RBFOX1: variants seen among roughly 807,000 people sequenced by gnomAD.
The protein encoded by RBFOX1 is RNA binding protein fox-1 homolog 1.
A neutral mutation model predicts 57.7 loss-of-function variants in RBFOX1; 8 were observed. That is an observed-to-expected ratio of 0.14 (90% CI 0.08 to 0.25). The LOEUF (loss-of-function observed/expected upper bound fraction) is 0.25, where lower values mean the gene tolerates loss of function less well. RBFOX1 is among the 10% of genes least tolerant of loss of function. RBFOX1 has a pLI of 1.00. For synonymous variants in RBFOX1, 326 were observed against 222.4 expected, an observed-to-expected ratio of 1.47 and a Z score of -4.15; for missense variants, 611 against 548.5, an observed-to-expected ratio of 1.11 and a Z score of -1.14.
At chr16:6,554,429 AT>A (rs200606535) in intron 2 of RBFOX1, among the ~76,000 whole-genome samples, 6 of 152,154 alleles carry the variant, frequency 3.9e-5, no homozygotes, top group African/African-American at 1.4e-4. Flanking sequence ...TCCCGGGGTA[AT>A]AAAAAAAAAG....
chr16:7,125,476 T>C (rs2068268949), intron 4 of RBFOX1, among the ~76,000 whole-genome samples: 1 of 152,338 alleles, frequency 6.6e-6, no homozygotes, highest in African/African-American at 2.4e-5. Flanking sequence ...ACCTGTCGGA[T>C]GCTAAGCAGT....
At chr16:6,251,612 G>A (rs1300822916) in intron 1 of RBFOX1, among the ~76,000 whole-genome samples, 1 of 152,044 alleles carries the variant, frequency 6.6e-6, no homozygotes, top group Non-Finnish European at 1.5e-5. Flanking sequence ...GAAAAAGAGA[G>A]AGAAAAAAAT....
intron 3 of RBFOX1, among the ~76,000 whole-genome samples, chr16:6,744,864 G>A (rs1018095868): frequency 1.3e-5 from 2 of 151,894 alleles, no homozygotes; most frequent in Non-Finnish European, 2.9e-5. Flanking sequence ...ACAGGTAGTA[G>A]GCCAAAAATG....
chr16:5,908,840 G>A (rs569124296), intron 4 of RBFOX1, among the ~76,000 whole-genome samples: 1 of 151,938 alleles, frequency 6.6e-6, no homozygotes, highest in African/African-American at 2.4e-5. Context: ...AACCCATGAG[G>A]GTGAAGCCTT....
At chr16:7,292,584 T>G (rs962895035) in intron 4 of RBFOX1, among the ~76,000 whole-genome samples, 1 of 149,264 alleles carries the variant, frequency 6.7e-6, no homozygotes, top group African/African-American at 2.5e-5. Context: ...TTGTGCACGG[T>G]GATGACGATT....
At chr16:5,443,855 CT>C (rs138564992) in intron 1 of RBFOX1, among the ~76,000 whole-genome samples, 1 of 152,108 alleles carries the variant, frequency 6.6e-6, no homozygotes, top group African/African-American at 2.4e-5. Flanking sequence ...AAAGTCTGGG[CT>C]TTTTTTCCCC....
At chr16:7,246,883 G>C (rs11077164) in intron 4 of RBFOX1, among the ~76,000 whole-genome samples, 22,436 of 151,934 alleles carry the variant, frequency 0.15, 1,629 homozygotes, top group African/African-American at 0.17. Context: ...TGCCATCCAC[G>C]AGACAGGAAA....
intron 6 of RBFOX1, among the ~76,000 whole-genome samples, chr16:7,584,852 C>A (rs559316087): frequency 2.6e-5 from 4 of 152,146 alleles, no homozygotes; most frequent in Non-Finnish European, 5.9e-5. Context: ...CTTGTTTCAC[C>A]GGCTTTGAGA....
chr16:7,627,080 T>C (rs1199384383), intron 10 of RBFOX1, among the ~76,000 whole-genome samples: 1 of 151,534 alleles, frequency 6.6e-6, no homozygotes, highest in African/African-American at 2.4e-5. Context: ...AAGAGGTCAC[T>C]TTTAAACTAT....
intron 2 of RBFOX1, chr16:6,577,197 C>T (rs879629467): frequency 3.3e-5 from 5 of 152,156 alleles, no homozygotes; most frequent in Admixed American, 3.3e-4. Flanking sequence ...GCTCCCCACT[C>T]TTCCCTGCCA....
At chr16:6,504,519 A>G (rs1420644052) in intron 2 of RBFOX1, among the ~76,000 whole-genome samples, 1 of 152,196 alleles carries the variant, frequency 6.6e-6, no homozygotes, top group Non-Finnish European at 1.5e-5. Context: ...AAAAGTGCAG[A>G]GGACTCAAAG....
chr16:6,532,904 A>G (rs1220826967), intron 2 of RBFOX1, among the ~76,000 whole-genome samples: 6 of 152,168 alleles, frequency 3.9e-5, no homozygotes, highest in Non-Finnish European at 5.9e-5. Flanking sequence ...AGTGTCACCA[A>G]CACCACTGGT....
intron 1 of RBFOX1, among the ~76,000 whole-genome samples, chr16:6,051,428 A>C (rs2095550852): frequency 6.6e-6 from 1 of 152,266 alleles, no homozygotes; most frequent in Middle Eastern, 3.4e-3. Context: ...CCTGGGTTCA[A>C]GCGATTCTCA....
chr16:7,143,675 A>G (rs1215861095), intron 4 of RBFOX1, among the ~76,000 whole-genome samples: 1 of 152,122 alleles, frequency 6.6e-6, no homozygotes. Context: ...CTCTCTGCAG[A>G]TACGATCCTC....
chr16:6,759,125 G>C (rs1603598595), intron 3 of RBFOX1, among the ~76,000 whole-genome samples: 1 of 150,056 alleles, frequency 6.7e-6, no homozygotes, highest in East Asian at 2.0e-4. Flanking sequence ...TAGAAAAAGT[G>C]GAGTTTCATA....
chr16:6,735,467 T>G (rs2069946894), intron 3 of RBFOX1, among the ~76,000 whole-genome samples: 1 of 152,222 alleles, frequency 6.6e-6, no homozygotes, highest in African/African-American at 2.4e-5. Context: ...TGTCGGAGAC[T>G]AAATCTTCAG....
intron 2 of RBFOX1, among the ~76,000 whole-genome samples, chr16:6,507,973 T>C (rs1042376157): frequency 2.0e-5 from 3 of 152,060 alleles, no homozygotes; most frequent in Non-Finnish European, 4.4e-5. Flanking sequence ...TAAATGCCCA[T>C]CAATGATAGA....
At chr16:5,701,454 C>T (rs191834580) in intron 3 of RBFOX1, among the ~76,000 whole-genome samples, 1 of 148,490 alleles carries the variant, frequency 6.7e-6, no homozygotes, top group East Asian at 2.0e-4. Flanking sequence ...CTCCACCTTC[C>T]TCCATGTACA....
intron 4 of RBFOX1, among the ~76,000 whole-genome samples, chr16:7,100,521 C>T (rs1478699): frequency 2.8e-5 from 4 of 145,134 alleles, no homozygotes; most frequent in African/African-American, 1.0e-4. Flanking sequence ...TAAACATTTT[C>T]TAGTGTTACT....
Sources: allele counts gnomAD v4.1 joint callset (sites outside exome capture counted in the v4.1 genomes callset), GRCh38; gene constraint gnomAD v4.1.1; transcripts MANE v1.5; gene names NCBI Gene and HGNC (gene_info 2026-07-23, HGNC 2026-07-21).